Variants in TMEM51 observed in about 807,000 individuals in gnomAD.
TMEM51 encodes transmembrane protein 51, also known as chromosome 1 open reading frame 72.
A neutral mutation model predicts 13.6 loss-of-function variants in TMEM51; 8 were observed. That is an observed-to-expected ratio of 0.59 (90% CI 0.35 to 1.07). The LOEUF (loss-of-function observed/expected upper bound fraction) is 1.07, where lower values mean the gene tolerates loss of function less well. TMEM51 is among the 50% of genes least tolerant of loss of function. The pLI, the probability that TMEM51 is intolerant of heterozygous loss-of-function variation, is 0.02. For synonymous variants in TMEM51, 147 were observed against 144.4 expected (o/e 1.02, Z -0.13); for missense variants, 279 against 330.7 (o/e 0.84, Z 1.21).
chr1:15,212,858 C>T (rs1189041246), intron 2 of TMEM51, among the ~76,000 whole-genome samples: 1 of 152,256 alleles, frequency 6.6e-6, no homozygotes, highest in African/African-American at 2.4e-5. Flanking sequence ...TGCACATGTG[C>T]TCATGTGTGC....
At chr1:15,204,348 G>GT (rs1275409634) in intron 1 of TMEM51, among the ~76,000 whole-genome samples, 7 of 152,208 alleles carry the variant, frequency 4.6e-5, no homozygotes, top group Non-Finnish European at 1.0e-4. Flanking sequence ...GAGGTCAGGA[G>GT]TTTAAGACTA....
chr1:15,206,228 CAAAAAA>C (rs71000380), intron 1 of TMEM51, among the ~76,000 whole-genome samples: 1 of 94,224 alleles, frequency 1.1e-5, no homozygotes. Flanking sequence ...GAGACCCTGT[CAAAAAA>C]AAAAAAAAAA....
intron 1 of TMEM51, chr1:15,191,868 A>G: frequency 2.3e-6 from 1 of 430,128 alleles, no homozygotes; most frequent in Admixed American, 2.5e-5. Flanking sequence ...AGCTACAGTA[A>G]TTGACTTACG....
intron 1 of TMEM51, among the ~76,000 whole-genome samples, chr1:15,190,208 TA>T (rs1422972201): frequency 6.6e-6 from 1 of 152,142 alleles, no homozygotes; most frequent in East Asian, 1.9e-4. Context: ...TGCTACTTAT[TA>T]ACATGAGGCT....
chr1:15,177,033 G>T (rs1643475375), intron 1 of TMEM51, among the ~76,000 whole-genome samples: 1 of 152,186 alleles, frequency 6.6e-6, no homozygotes, highest in Non-Finnish European at 1.5e-5. Context: ...GGATATTAAG[G>T]AGAGAGTCTG....
Position 15,219,516 on chromosome 1 carries a change from G to A in TMEM51, c.535G>A (p.Val179Met), listed in dbSNP as rs150483686. The A allele has an allele frequency of 1.2e-4, 196 of 1,614,050 alleles. 1 individual carries two copies. The African/African-American group carries it at 2.1e-3, about 18-fold the overall frequency. ...ETTPTSTRADVEASPGNPPDR... is the reference protein window; with the variant it reads ...ETTPTSTRADMEASPGNPPDR... ...CACCCCCACATCCACCAGGGCTGAC[G>A]TGGAGGCCAGCCCTGGGAACCCCCC... Residue 179 changes from valine to methionine, a missense_variant, in exon 4 of 4, where the codon GTG becomes ATG. Coordinates refer to ENST00000376008, the MANE Select transcript of TMEM51 (RefSeq NM_001136218.2).
intron 1 of TMEM51, among the ~76,000 whole-genome samples, chr1:15,166,342 C>A (rs555934613): frequency 6.6e-6 from 1 of 152,280 alleles, no homozygotes; most frequent in South Asian, 2.1e-4. Flanking sequence ...CTTCGAGTAT[C>A]TGGGCCTCCC....
chr1:15,210,775 A>C (rs1178512189), intron 2 of TMEM51, among the ~76,000 whole-genome samples: 3 of 152,214 alleles, frequency 2.0e-5, no homozygotes, highest in South Asian at 2.1e-4. Context: ...AAATCCTCTA[A>C]GCATAAAATT....
At chr1:15,177,900 G>A (rs1643497964) in intron 1 of TMEM51, among the ~76,000 whole-genome samples, 2 of 152,148 alleles carry the variant, frequency 1.3e-5, no homozygotes, top group Non-Finnish European at 1.5e-5. Flanking sequence ...AACGTCACGC[G>A]AAGTCTTCTA....
intron 1 of TMEM51, among the ~76,000 whole-genome samples, chr1:15,159,717 C>T (rs1219553652): frequency 6.6e-6 from 1 of 152,200 alleles, no homozygotes. Flanking sequence ...CCACCACACC[C>T]AGCTAATTTT....
At chr1:15,191,745 ATT>A in intron 1 of TMEM51, 2 of 286,386 alleles carry the variant, frequency 7.0e-6, no homozygotes, top group African/African-American at 2.3e-5. Flanking sequence ...CTGGGGAGAA[ATT>A]TTTTTTTTTG....
chr1:15,214,777 C>G (rs1644397221), intron 2 of TMEM51, 118 bp from the exon 3 acceptor site: 2 of 323,250 alleles, frequency 6.2e-6, no homozygotes, highest in East Asian at 6.3e-5. Flanking sequence ...CGAGGCCCAG[C>G]CAGAGCCGGC....
intron 3 of TMEM51, among the ~76,000 whole-genome samples, chr1:15,216,528 C>T (rs192486805): frequency 2.6e-5 from 4 of 152,206 alleles, no homozygotes; most frequent in Admixed American, 1.3e-4. Flanking sequence ...AGATGGATTG[C>T]TGATGAAATG....
At chr1:15,211,831 C>CAT (rs1644344240) in intron 2 of TMEM51, among the ~76,000 whole-genome samples, 1 of 121,800 alleles carries the variant, frequency 8.2e-6, no homozygotes, top group African/African-American at 3.0e-5. Flanking sequence ...ACCCCCCCCC[C>CAT]CCCCCCGGGA....
At chr1:15,154,928 C>T (rs1416076052) in intron 1 of TMEM51, among the ~76,000 whole-genome samples, 2 of 152,100 alleles carry the variant, frequency 1.3e-5, no homozygotes, top group Non-Finnish European at 2.9e-5. Flanking sequence ...GGACCCGAAC[C>T]GGGAGGTAAG....
At position 15,179,562 on chromosome 1, in the gene TMEM51, C is replaced by A. The variant is rs544935589; in HGVS notation, c.-267+25608C>A. 5.9e-5 allele frequency among the ~76,000 whole-genome samples: 9 copies of A among 152,296 alleles called. No homozygotes were observed. In the East Asian group the frequency reaches 1.7e-3, roughly 29 times the overall value. The stretch of plus-strand genomic sequence containing the variant: ...CTTTGAGAGGCCGAGGTGGGAGGAT[C>A]ACTTGAGCCCAGGAGTGCAAGACCA... On this transcript the variant is annotated intron_variant, in intron 1 of 3. Transcript: ENST00000376008.
rs1644262256 is a variant in TMEM51, at chr1:15,207,009, C to T, written c.-266-3481C>T. Among the ~76,000 whole-genome samples, 1 of 152,198 alleles carries T rather than the reference C, an allele frequency of 6.6e-6. No individual in the cohort carries two copies. The highest frequency in any genetic ancestry group is 6.5e-5 in the Admixed American group (1 of 15,286). ...GGCTCAGCACCTTTTTTCCTACCCC[C>T]ACTGCATGGGACTGGAAATTGTGAC... On this transcript the variant is annotated intron_variant, in intron 1 of 3. Coordinates refer to ENST00000376008, the MANE Select transcript of TMEM51 (RefSeq NM_001136218.2). The surrounding 1 kb of genome is among the most constrained non-coding windows in gnomAD (Gnocchi z 4.6).
Position 15,181,973 on chromosome 1 carries a change from C to T in TMEM51, c.-267+28019C>T, listed in dbSNP as rs1246107332. Among the ~76,000 whole-genome samples the T allele has an allele frequency of 5.3e-5, 8 of 151,932 alleles. No homozygotes were observed. The South Asian group carries it at 1.2e-3, about 24-fold the overall frequency. On this transcript the variant is annotated intron_variant, in intron 1 of 3. Transcript: ENST00000376008. ...GCCAGGAGTTCAAGACCAGCCTGAC[C>T]CATATGGCAAAACCTTGTCTCTACT...
At chr1:15,176,443 G>A (rs538924892) in intron 1 of TMEM51, among the ~76,000 whole-genome samples, 4 of 152,270 alleles carry the variant, frequency 2.6e-5, no homozygotes, top group Admixed American at 6.5e-5. Flanking sequence ...GCCACTCCCC[G>A]CTGGCCATGG....
Sources: gnomAD v4.1 joint callset for allele counts (sites outside exome capture counted in the v4.1 genomes callset) on GRCh38, gnomAD v4.1.1 for gene constraint, Gnocchi (gnomAD v3.1) non-coding constraint, MANE v1.5 for transcripts, NCBI Gene and HGNC (gene_info 2026-07-23, HGNC 2026-07-21) for gene names.